The following NPAS2 variants were observed in gnomAD, a reference collection of about 807,000 sequenced individuals.
NPAS2 encodes the protein neuronal PAS domain-containing protein 2.
A neutral mutation model predicts 107.5 loss-of-function variants in NPAS2; 23 were observed. That is an observed-to-expected ratio of 0.21 (90% CI 0.15 to 0.30). The LOEUF is 0.30. NPAS2 is among the 10% of genes least tolerant of loss of function. The pLI, the probability that NPAS2 is intolerant of heterozygous loss-of-function variation, is 1.00. For synonymous variants in NPAS2, 403 were observed against 417.5 expected, an observed-to-expected ratio of 0.97 and a Z score of 0.42; for missense variants, 756 against 1,043.3, an observed-to-expected ratio of 0.72 and a Z score of 3.79.
chr2:100,884,222 T>G (rs770747393), intron 1 of NPAS2, among the ~76,000 whole-genome samples: 1 of 152,170 alleles, frequency 6.6e-6, no homozygotes, highest in Non-Finnish European at 1.5e-5. Context: ...TGTGAGGCTG[T>G]TCTTGAATTC....
intron 15 of NPAS2, 132 bp downstream of exon 15, chr2:100,977,931 T>C (rs1384598861): frequency 1.3e-6 from 1 of 743,054 alleles, no homozygotes; most frequent in East Asian, 2.7e-5. Flanking sequence ...AATGTGTGTG[T>C]GGCCTGTGTC....
At chr2:100,824,798 C>T (rs977072357) in intron 1 of NPAS2, among the ~76,000 whole-genome samples, 4 of 152,156 alleles carry the variant, frequency 2.6e-5, no homozygotes, top group Non-Finnish European at 5.9e-5. Context: ...TTTGCAAAGG[C>T]GATTTCTCTG....
intron 7 of NPAS2, among the ~76,000 whole-genome samples, chr2:100,963,558 C>A: frequency 6.6e-6 from 1 of 152,056 alleles, no homozygotes; most frequent in Non-Finnish European, 1.5e-5. Context: ...ACCACCATGC[C>A]CAGCTAATTT....
chr2:100,972,129 A>T lies in NPAS2; in HGVS notation c.1140+1055A>T, dbSNP rs182725949. Among the ~76,000 whole-genome samples, 678 of 151,922 alleles carry T rather than the reference A, an allele frequency of 4.5e-3. 9 individuals are homozygous for T. Among genetic ancestry groups the T allele is most frequent in the Middle Eastern group, 0.024 (7 of 294 alleles). On this transcript the variant is annotated intron_variant, in intron 12 of 20. Transcript: ENST00000335681. Reference sequence around the variant, plus strand: ...CACCTGGCTAATTTTTGTGTCTTTCATAGAGACAGGGTTTCACCATGTTGG... The same window carrying T: ...CACCTGGCTAATTTTTGTGTCTTTCTTAGAGACAGGGTTTCACCATGTTGG...
intron 1 of NPAS2, among the ~76,000 whole-genome samples, chr2:100,899,996 G>A (rs988768760): frequency 6.6e-5 from 10 of 152,184 alleles, no homozygotes; most frequent in African/African-American, 2.2e-4. Context: ...GCTAAGTGAT[G>A]AAGCTTCTAG....
At chr2:100,937,010 A>G (rs1208645052) in intron 4 of NPAS2, among the ~76,000 whole-genome samples, 1 of 151,328 alleles carries the variant, frequency 6.6e-6, no homozygotes, top group East Asian at 1.9e-4. Context: ...AACCATGAGC[A>G]AAAGTGTCTG....
At chr2:100,831,726 A>G (rs1204786424) in intron 1 of NPAS2, among the ~76,000 whole-genome samples, 1 of 152,076 alleles carries the variant, frequency 6.6e-6, no homozygotes, top group African/African-American at 2.4e-5. Context: ...AGGTTTTATG[A>G]TCTCTCAAGC....
intron 1 of NPAS2, among the ~76,000 whole-genome samples, chr2:100,900,659 G>T (rs1259401365): frequency 6.6e-6 from 1 of 152,112 alleles, no homozygotes; most frequent in African/African-American, 2.4e-5. Context: ...GGTGAAAGTG[G>T]TGTCTGCCAA....
chr2:100,974,808 G>A lies in NPAS2; in HGVS notation c.1146G>A (p.Lys382=), dbSNP rs767420150. 9.3e-6 allele frequency: 15 copies of A among 1,613,758 alleles called. No homozygotes were observed. The Admixed American group carries it at 2.3e-4, about 25-fold the overall frequency. The change falls in exon 13 of 21, where the codon AAG becomes AAA. Residue 382 remains lysine, a synonymous_variant. Coordinates refer to ENST00000335681, the MANE Select transcript of NPAS2 (RefSeq NM_002518.4). ...GTTTGATGTGTGTGTTTCAGGACAA[G>A]GGCTCAAGCCTGGAACCTCGGCAGC... ...EALHSSALKD[K]GSSLEPRQHF...
intron 1 of NPAS2, among the ~76,000 whole-genome samples, chr2:100,843,035 A>G (rs1360686698): frequency 6.6e-6 from 1 of 152,068 alleles, no homozygotes. Flanking sequence ...CCTGGCCAAC[A>G]TGGAGAAACC....
chr2:100,936,979 CAAAAAAAA>C (rs34968729), intron 4 of NPAS2, among the ~76,000 whole-genome samples: 1 of 74,650 alleles, frequency 1.3e-5, no homozygotes, highest in Non-Finnish European at 2.7e-5. Flanking sequence ...GACTCCATCT[CAAAAAAAA>C]AAAAAAAAAA....
chr2:100,969,862 C>T (rs568303109), intron 11 of NPAS2, among the ~76,000 whole-genome samples: 32 of 152,184 alleles, frequency 2.1e-4, no homozygotes, highest in Admixed American at 5.2e-4. Flanking sequence ...AGAAAAGGTA[C>T]GGTAAAAATA....
In NPAS2 at chr2:100,970,250, C is replaced by T. The variant is rs139392308; in HGVS notation, c.1056-740C>T. On this transcript the variant is annotated intron_variant, in intron 11 of 20. Coordinates refer to ENST00000335681, the MANE Select transcript of NPAS2 (RefSeq NM_002518.4). The stretch of plus-strand genomic sequence containing the variant: ...TGGGCAGCACTCACCCCTCACCCTT[C>T]AGGCTGTGCCCTCTACCAGCTCTTC... Among the ~76,000 whole-genome samples, 248 of 152,364 alleles carry T rather than the reference C, an allele frequency of 1.6e-3. 1 individual carries two copies. The highest frequency in any genetic ancestry group is 5.4e-3 in the African/African-American group (224 of 41,578).
chr2:100,894,850 G>A (rs1000904253), intron 1 of NPAS2, among the ~76,000 whole-genome samples: 1 of 152,204 alleles, frequency 6.6e-6, no homozygotes, highest in Non-Finnish European at 1.5e-5. Context: ...ATTTCTAGCT[G>A]GTGAAGTACT....
chr2:100,912,922 C>T (rs1682645391), intron 2 of NPAS2, among the ~76,000 whole-genome samples: 1 of 152,174 alleles, frequency 6.6e-6, no homozygotes, highest in Non-Finnish European at 1.5e-5. Context: ...ATATCAATGT[C>T]CTCACTGTTT....
intron 1 of NPAS2, among the ~76,000 whole-genome samples, chr2:100,843,339 AT>A (rs1677567429): frequency 1.3e-5 from 2 of 152,184 alleles, no homozygotes; most frequent in Non-Finnish European, 2.9e-5. Flanking sequence ...AGCTTTAATC[AT>A]TGGCTATAAA....
At chr2:100,868,976 G>C (rs1475301416) in intron 1 of NPAS2, among the ~76,000 whole-genome samples, 1 of 152,096 alleles carries the variant, frequency 6.6e-6, no homozygotes, top group Non-Finnish European at 1.5e-5. Flanking sequence ...TCTGCACCCA[G>C]TCTGGAGTGC....
chr2:100,846,577 T>C (rs1677793041), intron 1 of NPAS2, among the ~76,000 whole-genome samples: 1 of 152,188 alleles, frequency 6.6e-6, no homozygotes, highest in African/African-American at 2.4e-5. Context: ...AAAAAGAATA[T>C]TTATTTTTGT....
At chr2:100,957,883 G>A (rs777979694) in intron 7 of NPAS2, among the ~76,000 whole-genome samples, 1 of 152,130 alleles carries the variant, frequency 6.6e-6, no homozygotes, top group Non-Finnish European at 1.5e-5. Flanking sequence ...AGCTGAGATC[G>A]CGCCACTGCA....
Sources: allele counts gnomAD v4.1 joint callset (sites outside exome capture counted in the v4.1 genomes callset), GRCh38; gene constraint gnomAD v4.1.1; transcripts MANE v1.5; gene names NCBI Gene and HGNC (gene_info 2026-07-23, HGNC 2026-07-21).